Variants in MMP12 observed in about 807,000 individuals in gnomAD.
The protein encoded by MMP12 is matrix metallopeptidase 12, also known as macrophage metalloelastase.
MMP12 carries 51 observed loss-of-function variants against 45.2 expected under a neutral mutation model. That is an observed-to-expected ratio of 1.13 (90% CI 0.90 to 1.42). The LOEUF is 1.42. Ranked by LOEUF, MMP12 falls within the 40% of genes most tolerant of loss-of-function variation. MMP12 has a pLI of 0.00. For synonymous variants in MMP12, 210 were observed against 193.3 expected, an observed-to-expected ratio of 1.09 and a Z score of -0.72; for missense variants, 530 against 570.8, an observed-to-expected ratio of 0.93 and a Z score of 0.73.
Position 102,865,571 on chromosome 11 carries a change from A to G in MMP12, c.1205+205T>C, listed in dbSNP as rs782293192. Reference sequence around the variant, plus strand: ...AGTGTTTTTTTAAAAAAAAACACACATTATCTACTATTTCATATATCAGAA... The same window carrying G: ...AGTGTTTTTTTAAAAAAAAACACACGTTATCTACTATTTCATATATCAGAA... On this transcript the variant is annotated intron_variant, in intron 8 of 9. Transcript: ENST00000571244. The surrounding 1 kb of genome is among the most constrained non-coding windows in gnomAD (Gnocchi z 4.1). Among the ~76,000 whole-genome samples, 4 of 152,136 alleles carry G rather than the reference A, an allele frequency of 2.6e-5. No homozygotes were observed. Among genetic ancestry groups the G allele is most frequent in the Non-Finnish European group, 5.9e-5 (4 of 68,010 alleles).
intron 4 of MMP12, 149 bp downstream of exon 4, chr11:102,871,445 A>T: frequency 9.3e-7 from 1 of 1,073,512 alleles, no homozygotes; most frequent in Non-Finnish European, 1.3e-6. Flanking sequence ...TTAGAGGCAA[A>T]ATTATAATCA....
intron 5 of MMP12, 31 bp from the exon 6 acceptor site, chr11:102,867,424 A>G: frequency 1.9e-6 from 3 of 1,585,948 alleles, no homozygotes; most frequent in Non-Finnish European, 1.7e-6. Flanking sequence ...GCATTAGTAA[A>G]CAAAATCTGC....
chr11:102,862,894 T>C lies in MMP12; in HGVS notation c.*206A>G. 2 of 368,066 alleles carry C rather than the reference T, an allele frequency of 5.4e-6. No homozygotes were observed. Among genetic ancestry groups the C allele is most frequent in the Non-Finnish European group, 9.6e-6 (2 of 208,472 alleles). The allele number at this position is 368,066 out of a possible 1,614,324, so 22.8% of individuals were successfully genotyped here. On this transcript the variant is annotated 3_prime_UTR_variant, in exon 10 of 10. Coordinates refer to ENST00000571244, the MANE Select transcript of MMP12 (RefSeq NM_002426.6). The stretch of plus-strand genomic sequence containing the variant: ...CTTTGAAGGTAACTATTTTCAAACT[T>C]AATAGTAGAGTCAAGCAAGAATGGA...
rs200919828 is a variant in MMP12 at position 102,862,972 on chromosome 11, C to G, written c.*128G>C. 7.7e-6 allele frequency: 4 copies of G among 522,000 alleles called. No individual in the cohort carries two copies. In the South Asian group the frequency reaches 1.4e-4, roughly 18 times the overall value. The allele number at this position is 522,000 out of a possible 1,614,324, so 32.3% of individuals were successfully genotyped here. On this transcript the variant is annotated 3_prime_UTR_variant, in exon 10 of 10. Coordinates refer to ENST00000571244, the MANE Select transcript of MMP12 (RefSeq NM_002426.6). ...ATTATGTATTTTATATAATCATTAC[C>G]TATGGTTTACAGATTTTATTTTTAT...
Position 102,874,940 on chromosome 11 carries a change from T to C in MMP12, c.-3A>G. 1 of 1,558,540 alleles carries C rather than the reference T, an allele frequency of 6.4e-7. No individual in the cohort carries two copies. The highest frequency in any genetic ancestry group is 8.7e-7 in the Non-Finnish European group (1 of 1,142,878). ...AGCAGTATTAGAAGAAACTTCATTGTAAACTTCTAAACGGATCAATTCAGT... is the reference window on the plus strand; with the variant it reads ...AGCAGTATTAGAAGAAACTTCATTGCAAACTTCTAAACGGATCAATTCAGT... On this transcript the variant is annotated 5_prime_UTR_variant, in exon 1 of 10. Coordinates refer to ENST00000571244, the MANE Select transcript of MMP12 (RefSeq NM_002426.6).
chr11:102,872,962 C>G lies in MMP12; in HGVS notation c.253G>C (p.Glu85Gln), dbSNP rs782785031. The G allele has an allele frequency of 1.2e-6, 2 of 1,613,586 alleles. No homozygotes were observed. Among genetic ancestry groups the G allele is most frequent in the African/African-American group, 1.3e-5 (1 of 74,918 alleles). Residue 85 changes from glutamate to glutamine, a missense_variant, in exon 2 of 10, where the codon GAG becomes CAG. Coordinates refer to ENST00000571244, the MANE Select transcript of MMP12 (RefSeq NM_002426.6). ...VTGQLDTSTL[E>Q]MMHAPRCGVP... is the part of the protein sequence containing the mutation. ...CCACATCGAGGTGCGTGCATCATCT[C>G]CAGGGTAGATGTGTCCAGTTGCCCG...
chr11:102,867,293 A>G lies in MMP12; in HGVS notation c.888T>C (p.Asn296=), dbSNP rs1859407351. 1 of 1,603,324 alleles carries G rather than the reference A, an allele frequency of 6.2e-7. No individual in the cohort carries two copies. Among genetic ancestry groups the G allele is most frequent in the Admixed American group, 1.7e-5 (1 of 58,182 alleles). The change falls in exon 6 of 10, where the codon AAT becomes AAC. Residue 296 remains asparagine (N), a synonymous_variant. Transcript: ENST00000571244. ...ACCTGTCTTTGAAGAAAAAGATCTT[A>G]TTTCCCACGGTAGTGACAGCATCAA... ...LSFDAVTTVG[N]KIFFFKDRFF...
Position 102,871,535 on chromosome 11 carries a change from G to A in MMP12, c.625+59C>T, listed in dbSNP as rs908283166. 13 of 1,534,334 alleles carry A rather than the reference G, an allele frequency of 8.5e-6. No individual in the cohort carries two copies. In the Admixed American group the frequency reaches 2.4e-4, roughly 29 times the overall value. On this transcript the variant is annotated intron_variant, in intron 4 of 9. Coordinates refer to ENST00000571244, the MANE Select transcript of MMP12 (RefSeq NM_002426.6). ...GAATTTTGAATTTGTTAGGGTTTTT[G>A]TTGTTTTCCTTTCCTGTTTGCTTAG...
At chr11:102,869,936 G>A (rs1174115667) in intron 4 of MMP12, among the ~76,000 whole-genome samples, 1 of 151,830 alleles carries the variant, frequency 6.6e-6, no homozygotes, top group African/African-American at 2.4e-5. Flanking sequence ...GCAAATAACA[G>A]CAACAACAAC....
At chr11:102,872,472 C>A (rs1162350509) in intron 2 of MMP12, among the ~76,000 whole-genome samples, 2 of 152,076 alleles carry the variant, frequency 1.3e-5, no homozygotes, top group African/African-American at 4.8e-5. Context: ...TCCTGAGTAG[C>A]TGGGACTACA....
Position 102,871,679 on chromosome 11 carries a change from G to T in MMP12, c.540C>A (p.Ile180=). Residue 180 remains isoleucine (I), a synonymous_variant, in exon 4 of 10, where the codon ATC becomes ATA. Transcript: ENST00000571244. ...DFHAFDGKGG[I]LAHAFGPGSG... ...ATCCAGGTCCAAAAGCATGGGCTAG[G>T]ATTCCACCTTTGCCATCAAAAGCAT... is the stretch of plus-strand genomic sequence containing the variant. The T allele has an allele frequency of 6.2e-7, 1 of 1,604,604 alleles. No homozygotes were observed. Among genetic ancestry groups the T allele is most frequent in the Non-Finnish European group, 8.5e-7 (1 of 1,175,062 alleles).
chr11:102,869,936 G>T (rs1174115667), intron 4 of MMP12, among the ~76,000 whole-genome samples: 1 of 151,830 alleles, frequency 6.6e-6, no homozygotes, highest in South Asian at 2.1e-4. Flanking sequence ...GCAAATAACA[G>T]CAACAACAAC....
intron 9 of MMP12, among the ~76,000 whole-genome samples, chr11:102,863,500 T>C (rs991455473): frequency 2.6e-5 from 4 of 152,078 alleles, no homozygotes; most frequent in African/African-American, 7.2e-5. Flanking sequence ...CTTGGTATCA[T>C]ACCCCCAAAA....
chr11:102,865,904 T>A lies in MMP12; in HGVS notation c.1077A>T (p.Arg359Ser). Residue 359 changes from arginine (R) to serine (S), a missense_variant, in exon 8 of 10, where the codon AGA becomes AGT. Arg to Ser is a moderately radical substitution (Grantham distance 110, BLOSUM62 -1). Transcript: ENST00000571244. The surrounding 1 kb of genome is among the most constrained non-coding windows in gnomAD (Gnocchi z 4.1). ...TGCTCTTGGGATAATTTGGCTCTGG[T>A]CTTAAATTGCTAATTAACCAGTATT... ...DDKYWLISNL[R>S]PEPNYPKSIH... 1 of 1,612,766 alleles carries A rather than the reference T, an allele frequency of 6.2e-7. No homozygotes were observed. Among genetic ancestry groups the A allele is most frequent in the Middle Eastern group, 1.7e-4 (1 of 6,056 alleles).
chr11:102,871,428 A>T (rs1319729826), intron 4 of MMP12, among the ~76,000 whole-genome samples, 166 bp downstream of exon 4: 1 of 152,178 alleles, frequency 6.6e-6, no homozygotes, highest in African/African-American at 2.4e-5. Context: ...GAAGTGTTAA[A>T]TTTGATTTAG....
chr11:102,873,227 ATC>A, intron 1 of MMP12, 115 bp from the exon 2 acceptor site: 1 of 880,444 alleles, frequency 1.1e-6, no homozygotes, highest in Non-Finnish European at 1.7e-6. Flanking sequence ...AATTTTGCAC[ATC>A]TTACTCACAG....
At chr11:102,867,439 T>C (rs1859412766) in intron 5 of MMP12, 46 bp from the exon 6 acceptor site, 1 of 1,562,936 alleles carries the variant, frequency 6.4e-7, no homozygotes, top group South Asian at 1.2e-5. Flanking sequence ...ATCTGCATTG[T>C]AGTTCAGAGG....
chr11:102,870,554 G>A (rs1329444102), intron 4 of MMP12, among the ~76,000 whole-genome samples: 1 of 152,170 alleles, frequency 6.6e-6, no homozygotes, highest in South Asian at 2.1e-4. Flanking sequence ...TTCCACATGA[G>A]GGAGTCATAG....
At chr11:102,867,833 C>T in intron 5 of MMP12, 75 bp downstream of exon 5, 1 of 1,439,062 alleles carries the variant, frequency 6.9e-7, no homozygotes, top group South Asian at 1.3e-5. Flanking sequence ...ACGTTTTATC[C>T]AAATATAGAT....
Sources: allele counts gnomAD v4.1 joint callset (sites outside exome capture counted in the v4.1 genomes callset), GRCh38; gene constraint gnomAD v4.1.1; non-coding constraint Gnocchi (gnomAD v3.1); transcripts MANE v1.5; gene names NCBI Gene and HGNC (gene_info 2026-07-23, HGNC 2026-07-21).